Variants in SNX4 observed in about 807,000 individuals in gnomAD.
SNX4 encodes the protein sorting nexin 4.
SNX4 carries 49 observed loss-of-function variants against 70.8 expected under a neutral mutation model. The ratio of observed to expected loss-of-function variants is 0.69; its 90% confidence interval spans 0.55 to 0.88. The LOEUF is 0.88. Ranked by LOEUF, SNX4 falls within the 40% of genes least tolerant of loss-of-function variation. The probability of loss-of-function intolerance (pLI) is 0.00; values close to 1 mark genes in which losing one functional copy is unlikely to be tolerated. For synonymous variants in SNX4, 206 were observed against 183.8 expected (o/e 1.12, Z -0.98); for missense variants, 528 against 544.8 (o/e 0.97, Z 0.31).
chr3:125,511,984 T>A (rs1553729416), intron 1 of SNX4, among the ~76,000 whole-genome samples: 1 of 151,658 alleles, frequency 6.6e-6, no homozygotes, highest in Non-Finnish European at 1.5e-5. Context: ...TAAAAGAAGA[T>A]AAAGAAAAAG....
intron 5 of SNX4, among the ~76,000 whole-genome samples, chr3:125,489,775 G>C (rs1934610195): frequency 6.6e-6 from 1 of 152,212 alleles, no homozygotes; most frequent in Non-Finnish European, 1.5e-5. Context: ...TGTGAAAACA[G>C]TAGTTTTTCT....
intron 8 of SNX4, among the ~76,000 whole-genome samples, chr3:125,476,286 A>G (rs982215148): frequency 1.3e-5 from 2 of 150,978 alleles, no homozygotes; most frequent in African/African-American, 4.9e-5. Context: ...AAAAAAAAAA[A>G]AAGGGCTGGG....
intron 5 of SNX4, among the ~76,000 whole-genome samples, chr3:125,495,275 T>TACACACACAC (rs58981797): frequency 2.4e-5 from 2 of 83,046 alleles, no homozygotes; most frequent in African/African-American, 7.3e-5. Flanking sequence ...TATATATATA[T>TACACACACAC]ATACACATAC....
In SNX4 at chr3:125,497,956, C is replaced by T. The variant is rs772861512; in HGVS notation, c.427G>A (p.Ala143Thr). ...ACAAAATCTGGATCCATGTTGTCAG[C>T]AGAGAGTTTATGCCAAACAAATTCT... ...RAEFVWHKLS[A>T]DNMDPDFVER... The change falls in exon 4 of 14, where the codon GCT (alanine) becomes ACT (threonine). Residue 143 changes from alanine (A) to threonine (T), a missense_variant. Ala to Thr is a moderately conservative substitution (Grantham distance 58). Coordinates refer to ENST00000251775, the MANE Select transcript of SNX4 (RefSeq NM_003794.4). 30 of 1,614,000 alleles carry T rather than the reference C, an allele frequency of 1.9e-5. No homozygotes were observed. The highest frequency in any genetic ancestry group is 5.1e-6 in the Non-Finnish European group (6 of 1,180,016).
intron 1 of SNX4, among the ~76,000 whole-genome samples, chr3:125,516,393 A>C (rs150633798): frequency 9.8e-5 from 15 of 152,336 alleles, no homozygotes; most frequent in African/African-American, 3.1e-4. Flanking sequence ...GCTTTAAAAA[A>C]CTACAGAAAA....
chr3:125,473,034 T>A (rs1375248826), intron 8 of SNX4, among the ~76,000 whole-genome samples: 1 of 152,032 alleles, frequency 6.6e-6, no homozygotes, highest in African/African-American at 2.4e-5. Flanking sequence ...AAAATTCAAC[T>A]TTTATTTTGG....
In SNX4 at chr3:125,447,839, AT is replaced by A. The variant is rs759485715; in HGVS notation, c.1306-14del. ...AAACTTGAATTCCCTAAAAATAAAA[AT>A]AAAAACTTTAAAATGTGAGTTTGGA... On this transcript the variant is annotated splice_polypyrimidine_tract_variant and intron_variant, in intron 13 of 13. Coordinates refer to ENST00000251775, the MANE Select transcript of SNX4 (RefSeq NM_003794.4). 6 of 1,557,814 alleles carry A rather than the reference AT, an allele frequency of 3.9e-6. No individual in the cohort carries two copies. Among genetic ancestry groups the A allele is most frequent in the Admixed American group, 1.8e-5 (1 of 55,272 alleles).
chr3:125,476,721 T>A lies in SNX4; in HGVS notation c.762A>T (p.Val254=). 1 of 1,598,352 alleles carries A rather than the reference T, an allele frequency of 6.3e-7. No homozygotes were observed. Among genetic ancestry groups the A allele is most frequent in the Non-Finnish European group, 8.6e-7 (1 of 1,168,336 alleles). The change falls in exon 8 of 14, where the codon GTA becomes GTT. Residue 254 remains valine (V), a synonymous_variant. Coordinates refer to ENST00000251775, the MANE Select transcript of SNX4 (RefSeq NM_003794.4). ...TGAAAACTCGACCATAATTCCCATG[T>A]ACTTTATATACACCATAGAGTCGAT... is the stretch of plus-strand genomic sequence containing the variant. ...VADRLYGVYK[V]HGNYGRVFSE...
rs528361429 is a variant in SNX4, at chr3:125,508,758, T to A, written c.142-4014A>T. Among the ~76,000 whole-genome samples the A allele has an allele frequency of 3.9e-5, 6 of 152,154 alleles. No individual in the cohort carries two copies. The East Asian group carries it at 1.2e-3, about 29-fold the overall frequency. ...GTCAAACAATTTTGTGACGAGACAGTTCGATGGGAAAAGGACAATTTTTCC... is the reference window on the plus strand; with the variant it reads ...GTCAAACAATTTTGTGACGAGACAGATCGATGGGAAAAGGACAATTTTTCC... On this transcript the variant is annotated intron_variant, in intron 1 of 13. Coordinates refer to ENST00000251775, the MANE Select transcript of SNX4 (RefSeq NM_003794.4).
rs549828088 is a variant in SNX4 at position 125,469,723 on chromosome 3, G to A, written c.789-204C>T. ...TGAAGTGAAGGCTTCAAACGTTGAT[G>A]CTTGCTGCTAAGCGGAAGGTAAGTA... is the stretch of plus-strand genomic sequence containing the variant. On this transcript the variant is annotated intron_variant, in intron 8 of 13. Transcript: ENST00000251775. Among the ~76,000 whole-genome samples the A allele has an allele frequency of 2.0e-5, 3 of 151,742 alleles. No individual in the cohort carries two copies. The South Asian group carries it at 6.2e-4, about 32-fold the overall frequency.
At chr3:125,457,483 A>T (rs1395224807) in intron 10 of SNX4, 118 bp from the exon 11 acceptor site, 2 of 697,518 alleles carry the variant, frequency 2.9e-6, no homozygotes, top group African/African-American at 1.8e-5. Flanking sequence ...GTGTGCCCAG[A>T]ATTTTCAAGT....
chr3:125,519,955 CCCAG>C, intron 1 of SNX4, 73 bp downstream of exon 1: 3 of 1,155,728 alleles, frequency 2.6e-6, no homozygotes, highest in East Asian at 3.6e-5. Context: ...CCCGGCCCAG[CCCAG>C]CCCAGCCCAG....
chr3:125,514,321 G>C (rs1935230177), intron 1 of SNX4, among the ~76,000 whole-genome samples: 1 of 151,106 alleles, frequency 6.6e-6, no homozygotes, highest in South Asian at 2.1e-4. Context: ...TGTTAAGTTT[G>C]AACAGTGTTC....
intron 8 of SNX4, among the ~76,000 whole-genome samples, chr3:125,470,263 T>C (rs765244199): frequency 1.1e-4 from 17 of 152,134 alleles, no homozygotes; most frequent in Admixed American, 2.0e-4. Context: ...CATGCTTTTT[T>C]TAAATAGTAT....
At chr3:125,515,444 T>C (rs1935254891) in intron 1 of SNX4, among the ~76,000 whole-genome samples, 1 of 151,700 alleles carries the variant, frequency 6.6e-6, no homozygotes, top group African/African-American at 2.4e-5. Context: ...GGAGGATCAC[T>C]GGAGCCCAGA....
chr3:125,495,277 T>TATATATATATATATATATATACACAC, intron 5 of SNX4, among the ~76,000 whole-genome samples: 51 of 99,584 alleles, frequency 5.1e-4, no homozygotes, highest in South Asian at 1.4e-3. Context: ...TATATATATA[T>TATATATATATATATATATATACACAC]ACACATACAC....
chr3:125,490,838 T>C (rs1934644082), intron 5 of SNX4, among the ~76,000 whole-genome samples: 1 of 151,828 alleles, frequency 6.6e-6, no homozygotes, highest in Non-Finnish European at 1.5e-5. Context: ...AGAAGAACTA[T>C]TAGGGTTCAT....
intron 2 of SNX4, among the ~76,000 whole-genome samples, chr3:125,501,376 G>A (rs1382339092): frequency 1.3e-5 from 2 of 152,118 alleles, no homozygotes; most frequent in African/African-American, 2.4e-5. Context: ...CAGCACTTTG[G>A]GAGGAGGCCA....
At chr3:125,472,249 T>C (rs1934193617) in intron 8 of SNX4, among the ~76,000 whole-genome samples, 1 of 152,186 alleles carries the variant, frequency 6.6e-6, no homozygotes, top group Non-Finnish European at 1.5e-5. Context: ...CCTCTCAAAC[T>C]GCAAACCAAA....
Sources: allele counts gnomAD v4.1 joint callset (sites outside exome capture counted in the v4.1 genomes callset), GRCh38; gene constraint gnomAD v4.1.1; transcripts MANE v1.5; gene names NCBI Gene and HGNC (gene_info 2026-07-23, HGNC 2026-07-21).